INTS12: variants seen among roughly 807,000 people sequenced by gnomAD.
INTS12 encodes PHD finger protein 22.
A neutral mutation model predicts 41.6 loss-of-function variants in INTS12; 13 were observed. The observed-to-expected ratio is 0.31, with a 90% confidence interval of 0.20 to 0.50. INTS12 has a LOEUF of 0.50. INTS12 is among the 20% of genes least tolerant of loss of function. INTS12 has a pLI of 0.98. For synonymous variants in INTS12, 199 were observed against 191.4 expected, an observed-to-expected ratio of 1.04 and a Z score of -0.33; for missense variants, 432 against 541.6, an observed-to-expected ratio of 0.80 and a Z score of 2.01.
At chr4:105,701,481 A>G (rs1732071131) in intron 2 of INTS12, among the ~76,000 whole-genome samples, 1 of 152,150 alleles carries the variant, frequency 6.6e-6, no homozygotes. Context: ...TCACCTCTAC[A>G]TAATGATAGG....
chr4:105,700,724 C>A (rs1335322744), intron 2 of INTS12, among the ~76,000 whole-genome samples: 2 of 151,434 alleles, frequency 1.3e-5, no homozygotes, highest in Admixed American at 6.6e-5. Context: ...CACACACACA[C>A]ACACACACAC....
chr4:105,692,894 T>A (rs532350454), intron 5 of INTS12, among the ~76,000 whole-genome samples: 1 of 152,328 alleles, frequency 6.6e-6, no homozygotes, highest in African/African-American at 2.4e-5. Context: ...TGTGCACACA[T>A]AGGGTGCTCA....
intron 6 of INTS12, among the ~76,000 whole-genome samples, chr4:105,687,563 T>G (rs1417378094): frequency 6.6e-6 from 1 of 152,238 alleles, no homozygotes; most frequent in African/African-American, 2.4e-5. Flanking sequence ...TTTTTAGTGT[T>G]TTCTAGGTAG....
chr4:105,701,173 C>G (rs891772753), intron 2 of INTS12, among the ~76,000 whole-genome samples: 3 of 151,514 alleles, frequency 2.0e-5, no homozygotes, highest in African/African-American at 4.9e-5. Flanking sequence ...CCCCTCCCCT[C>G]CAGCTTCACT....
chr4:105,704,253 C>A, intron 1 of INTS12, among the ~76,000 whole-genome samples: 1 of 152,250 alleles, frequency 6.6e-6, no homozygotes, highest in Non-Finnish European at 1.5e-5. Context: ...CTAATACATA[C>A]GATTGTCCCT....
chr4:105,684,589 G>A (rs548838927), intron 7 of INTS12, among the ~76,000 whole-genome samples: 16 of 152,152 alleles, frequency 1.1e-4, no homozygotes, highest in African/African-American at 3.6e-4. Flanking sequence ...AAGGAATCCA[G>A]ATATTTGTCC....
At chr4:105,708,049 A>G (rs1732362307) in intron 1 of INTS12, 1 of 985,366 alleles carries the variant, frequency 1.0e-6, no homozygotes, top group African/African-American at 1.7e-5. Flanking sequence ...TTTGTTCTTC[A>G]TGACTTCGCA....
At chr4:105,702,167 G>T (rs1424905876) in intron 2 of INTS12, among the ~76,000 whole-genome samples, 1 of 119,184 alleles carries the variant, frequency 8.4e-6, no homozygotes, top group South Asian at 2.5e-4. Context: ...ACAGAGTCTC[G>T]CTCTGTCGCC....
At position 105,682,959 on chromosome 4, in the gene INTS12, G is replaced by A; in HGVS notation, c.1163C>T (p.Pro388Leu). 6.2e-7 allele frequency: 1 copy of A among 1,614,124 alleles called. No homozygotes were observed. Among genetic ancestry groups the A allele is most frequent in the Middle Eastern group, 1.6e-4 (1 of 6,062 alleles). Residue 388 changes from proline to leucine, a missense_variant, in exon 8 of 8, where the codon CCT becomes CTT. By Grantham distance (98) the Pro-to-Leu change is moderately conservative (BLOSUM62 -3). Coordinates refer to ENST00000340139, the MANE Select transcript of INTS12 (RefSeq NM_020395.4). The part of the protein sequence containing the change: ...SCDNVSKVGL[P>L]SPSSLVPGSS... ...TCCTGGAACTAAACTACTTGGACTA[G>A]GAAGACCTACTTTGCTGACATTGTC... is the stretch of plus-strand genomic sequence containing the variant.
At position 105,691,970 on chromosome 4, in the gene INTS12, T is replaced by C. The variant is rs1291726495; in HGVS notation, c.657+6A>G. ...TGTTTAAAATAAAGAAAAATATGATTCCTACCATTCTTTTCATTTGTCTGG... is the reference window on the plus strand; with the variant it reads ...TGTTTAAAATAAAGAAAAATATGATCCCTACCATTCTTTTCATTTGTCTGG... On this transcript the variant is annotated splice_donor_region_variant and intron_variant, in intron 6 of 7. Transcript: ENST00000340139. The C allele has an allele frequency of 6.6e-7, 1 of 1,514,214 alleles. No homozygotes were observed. Among genetic ancestry groups the C allele is most frequent in the Non-Finnish European group, 8.8e-7 (1 of 1,131,028 alleles). The allele number at this position is 1,514,214 out of a possible 1,614,324, so 93.8% of individuals were successfully genotyped here. A position where few individuals can be genotyped will look rare whatever the true frequency, so the allele number is the denominator to read the frequency against.
intron 3 of INTS12, among the ~76,000 whole-genome samples, chr4:105,698,358 A>T (rs537314298): frequency 8.0e-4 from 122 of 152,308 alleles, no homozygotes; most frequent in Non-Finnish European, 1.1e-3. Flanking sequence ...ACACAAATCT[A>T]GTGATGAAAA....
chr4:105,691,151 T>C (rs1429932028), intron 6 of INTS12, among the ~76,000 whole-genome samples: 44 of 152,228 alleles, frequency 2.9e-4, no homozygotes, highest in Admixed American at 2.9e-3. Flanking sequence ...CTTTAAAAGA[T>C]ATATTGGTTA....
At chr4:105,706,815 T>A (rs1439306175) in intron 1 of INTS12, among the ~76,000 whole-genome samples, 1 of 152,240 alleles carries the variant, frequency 6.6e-6, no homozygotes, top group Admixed American at 6.5e-5. Context: ...ACACTTGTCC[T>A]ACTTTTCACT....
chr4:105,689,709 C>T (rs1731618282), intron 6 of INTS12, among the ~76,000 whole-genome samples: 1 of 151,934 alleles, frequency 6.6e-6, no homozygotes, highest in South Asian at 2.1e-4. Context: ...TCGAGACCAG[C>T]CCTGGCAATG....
At position 105,708,660 on chromosome 4, in the gene INTS12, C is replaced by T. The variant is rs1462875567; in HGVS notation, c.-194G>A. 2 of 948,372 alleles carry T rather than the reference C, an allele frequency of 2.1e-6. No individual in the cohort carries two copies. Among genetic ancestry groups the T allele is most frequent in the Non-Finnish European group, 1.3e-6 (1 of 796,214 alleles). The allele number at this position is 948,372 out of a possible 1,614,324, so 58.7% of individuals were successfully genotyped here. A position where few individuals can be genotyped will look rare whatever the true frequency, so the allele number is the denominator to read the frequency against. On this transcript the variant is annotated 5_prime_UTR_variant, in exon 1 of 8. Transcript: ENST00000340139. ...CACCGTTCCGCCCCGCCCTGCCGATCCGTCTGTTCCCGGTGGTCCCTTCGG... is the reference window on the plus strand; with the variant it reads ...CACCGTTCCGCCCCGCCCTGCCGATTCGTCTGTTCCCGGTGGTCCCTTCGG...
intron 6 of INTS12, among the ~76,000 whole-genome samples, chr4:105,688,546 T>C (rs1253608293): frequency 6.6e-6 from 1 of 152,240 alleles, no homozygotes; most frequent in Non-Finnish European, 1.5e-5. Flanking sequence ...AGTAATTCAC[T>C]GTTGATTACT....
At chr4:105,688,643 A>T (rs148900366) in intron 6 of INTS12, among the ~76,000 whole-genome samples, 7 of 152,350 alleles carry the variant, frequency 4.6e-5, no homozygotes, top group African/African-American at 1.4e-4. Context: ...ACAGTAAAAC[A>T]GAAACATATG....
intron 2 of INTS12, among the ~76,000 whole-genome samples, chr4:105,701,429 A>G (rs948512820): frequency 2.0e-5 from 3 of 152,136 alleles, no homozygotes; most frequent in African/African-American, 7.2e-5. Context: ...CAAAATTGAA[A>G]AGCAGCCTCT....
intron 3 of INTS12, among the ~76,000 whole-genome samples, chr4:105,697,639 C>A (rs187356153): frequency 1.3e-5 from 2 of 152,232 alleles, no homozygotes; most frequent in East Asian, 3.9e-4. Context: ...GCAATGGAGA[C>A]CATCTGGCAC....
Sources: gnomAD v4.1 joint callset for allele counts (sites outside exome capture counted in the v4.1 genomes callset) on GRCh38, gnomAD v4.1.1 for gene constraint, MANE v1.5 for transcripts, NCBI Gene and HGNC (gene_info 2026-07-23, HGNC 2026-07-21) for gene names.